HS6ST3: variants seen among roughly 807,000 people sequenced by gnomAD.
The protein encoded by HS6ST3 is heparan-sulfate 6-O-sulfotransferase 3.
A neutral mutation model predicts 36.7 loss-of-function variants in HS6ST3; 12 were observed. The observed-to-expected ratio is 0.33, with a 90% CI of 0.21 to 0.53. The LOEUF (loss-of-function observed/expected upper bound fraction) is 0.53, where lower values mean the gene tolerates loss of function less well. HS6ST3 is among the 20% of genes least tolerant of loss of function. HS6ST3 has a pLI of 0.95. For missense variants in HS6ST3, 584 were observed against 640.9 expected (o/e 0.91, Z 0.96); for synonymous variants, 240 against 257.5 (o/e 0.93, Z 0.65).
chr13:96,831,048 T>C (rs977797933), intron 1 of HS6ST3, among the ~76,000 whole-genome samples: 1 of 152,172 alleles, frequency 6.6e-6, no homozygotes, highest in African/African-American at 2.4e-5. Context: ...GCCCATTCCA[T>C]TGGTAGGCTT....
At chr13:96,169,298 C>T (rs1817884147) in intron 1 of HS6ST3, among the ~76,000 whole-genome samples, 1 of 151,534 alleles carries the variant, frequency 6.6e-6, no homozygotes, top group South Asian at 2.1e-4. Context: ...GAGGCAAATA[C>T]TGCCTTTTCC....
At chr13:96,545,025 A>T (rs1354435611) in intron 1 of HS6ST3, among the ~76,000 whole-genome samples, 2 of 152,222 alleles carry the variant, frequency 1.3e-5, no homozygotes, top group Admixed American at 6.5e-5. Context: ...AACTAAAAAA[A>T]TAGAAAATGC....
intron 1 of HS6ST3, among the ~76,000 whole-genome samples, chr13:96,812,525 T>C (rs1179905425): frequency 1.3e-5 from 2 of 152,166 alleles, no homozygotes; most frequent in Non-Finnish European, 2.9e-5. Context: ...AGCTCTAAAG[T>C]TGACTCTTAA....
At chr13:96,528,568 A>G (rs1274401573) in intron 1 of HS6ST3, among the ~76,000 whole-genome samples, 1 of 152,222 alleles carries the variant, frequency 6.6e-6, no homozygotes, top group East Asian at 1.9e-4. Flanking sequence ...ATAGTTTCCA[A>G]TGTTTAATAC....
chr13:96,643,891 A>G (rs957075256), intron 1 of HS6ST3, among the ~76,000 whole-genome samples: 10 of 152,024 alleles, frequency 6.6e-5, no homozygotes, highest in Middle Eastern at 3.4e-3. Context: ...AATAACATAC[A>G]ATGTGCTTTT....
chr13:96,396,556 C>G (rs1282278083), intron 1 of HS6ST3, among the ~76,000 whole-genome samples: 1 of 152,082 alleles, frequency 6.6e-6, no homozygotes, highest in Admixed American at 6.6e-5. Context: ...CCTTTTTGAT[C>G]TTTTCACTTG....
intron 1 of HS6ST3, among the ~76,000 whole-genome samples, chr13:96,651,471 G>T (rs2056606967): frequency 6.6e-6 from 1 of 151,930 alleles, no homozygotes; most frequent in Admixed American, 6.6e-5. Flanking sequence ...CCCCAGCTTG[G>T]CTCCCTTATG....
At chr13:96,319,478 T>C (rs1462879616) in intron 1 of HS6ST3, among the ~76,000 whole-genome samples, 1 of 152,194 alleles carries the variant, frequency 6.6e-6, no homozygotes, top group Non-Finnish European at 1.5e-5. Context: ...TCTTTGGGCA[T>C]ATTTTTTAAA....
intron 1 of HS6ST3, among the ~76,000 whole-genome samples, chr13:96,197,327 C>A (rs530124185): frequency 6.6e-6 from 1 of 152,120 alleles, no homozygotes; most frequent in Non-Finnish European, 1.5e-5. Context: ...TAATCACTAT[C>A]GTGAGAATAG....
At chr13:96,098,063 G>A (rs2053799883) in intron 1 of HS6ST3, among the ~76,000 whole-genome samples, 1 of 152,198 alleles carries the variant, frequency 6.6e-6, no homozygotes, top group South Asian at 2.1e-4. Context: ...ATGGAGACCA[G>A]AGCTTATTGG....
intron 1 of HS6ST3, among the ~76,000 whole-genome samples, chr13:96,118,680 A>T (rs1594682841): frequency 1.4e-4 from 3 of 22,102 alleles, no homozygotes; most frequent in South Asian, 2.8e-3. Context: ...ATATATATAT[A>T]TATATATATT....
At chr13:96,584,032 C>T (rs910285796) in intron 1 of HS6ST3, among the ~76,000 whole-genome samples, 3 of 152,190 alleles carry the variant, frequency 2.0e-5, no homozygotes, top group Non-Finnish European at 4.4e-5. Context: ...AAACAGCCCC[C>T]TTCCATTTTA....
At chr13:96,575,396 A>T (rs1256352147) in intron 1 of HS6ST3, among the ~76,000 whole-genome samples, 2 of 152,232 alleles carry the variant, frequency 1.3e-5, no homozygotes, top group Non-Finnish European at 1.5e-5. Flanking sequence ...AGAAACATAG[A>T]TGGGCAAATA....
At chr13:96,188,348 C>T (rs1489320920) in intron 1 of HS6ST3, among the ~76,000 whole-genome samples, 1 of 152,100 alleles carries the variant, frequency 6.6e-6, no homozygotes, top group African/African-American at 2.4e-5. Context: ...GGCATGGTGG[C>T]TTATGCCTGT....
At chr13:96,399,019 G>C (rs2055435927) in intron 1 of HS6ST3, among the ~76,000 whole-genome samples, 1 of 152,192 alleles carries the variant, frequency 6.6e-6, no homozygotes, top group South Asian at 2.1e-4. Context: ...ACAGGACCCA[G>C]CTATGCTGGG....
chr13:96,098,896 G>A lies in HS6ST3; in HGVS notation c.707+7327G>A, dbSNP rs539735433. ...TAGTGAGGAAATCATAAAAGAGTTA[G>A]CTATTATTATTTTCTCCTGAGACTC... On this transcript the variant is annotated intron_variant, in intron 1 of 1. Coordinates refer to ENST00000376705, the MANE Select transcript of HS6ST3 (RefSeq NM_153456.4). Among the ~76,000 whole-genome samples the A allele has an allele frequency of 7.7e-4, 117 of 152,262 alleles. 1 individual carries two copies. Among genetic ancestry groups the A allele is most frequent in the African/African-American group, 2.5e-3 (104 of 41,560 alleles).
chr13:96,633,527 A>G (rs2056539081), intron 1 of HS6ST3, among the ~76,000 whole-genome samples: 1 of 152,208 alleles, frequency 6.6e-6, no homozygotes, highest in Non-Finnish European at 1.5e-5. Flanking sequence ...CTAGAGGTAT[A>G]ATGGACTCAG....
At chr13:96,616,462 G>A (rs896724626) in intron 1 of HS6ST3, among the ~76,000 whole-genome samples, 6 of 152,060 alleles carry the variant, frequency 3.9e-5, no homozygotes, top group African/African-American at 1.4e-4. Flanking sequence ...ACTGCCACCA[G>A]TCTTCACCTT....
intron 1 of HS6ST3, among the ~76,000 whole-genome samples, chr13:96,493,655 T>C (rs1055326723): frequency 1.3e-5 from 2 of 152,202 alleles, no homozygotes; most frequent in African/African-American, 4.8e-5. Flanking sequence ...GACATATTCT[T>C]ACAATAGCAA....
Sources: gnomAD v4.1 joint callset for allele counts (sites outside exome capture counted in the v4.1 genomes callset) on GRCh38, gnomAD v4.1.1 for gene constraint, MANE v1.5 for transcripts, NCBI Gene and HGNC (gene_info 2026-07-23, HGNC 2026-07-21) for gene names.